CEP44: variants seen among roughly 807,000 people sequenced by gnomAD.
CEP44 encodes centrosomal protein of 44 kDa.
In CEP44, 45 loss-of-function variants were observed where a neutral mutation model predicts 46.7. The observed-to-expected ratio is 0.96, with a 90% CI of 0.76 to 1.24. The LOEUF (loss-of-function observed/expected upper bound fraction) is 1.24. Among genes scored for constraint, CEP44 ranks in the 50% most tolerant of loss-of-function variants. The probability of loss-of-function intolerance (pLI) is 0.00; values close to 1 mark genes in which losing one functional copy is unlikely to be tolerated. For missense variants in CEP44, 475 were observed against 459.7 expected (o/e 1.03, Z -0.30); for synonymous variants, 142 against 146.0 (o/e 0.97, Z 0.20).
chr4:174,313,541 G>T (rs1230875293), intron 9 of CEP44, among the ~76,000 whole-genome samples: 1 of 152,064 alleles, frequency 6.6e-6, no homozygotes, highest in Non-Finnish European at 1.5e-5. Flanking sequence ...TTTCAGCAAG[G>T]CTAATATTCT....
In CEP44 at chr4:174,287,722, G is replaced by C. The variant is rs907862689; in HGVS notation, c.-148+3779G>C. Among the ~76,000 whole-genome samples the C allele has an allele frequency of 6.6e-6, 1 of 152,084 alleles. No homozygotes were observed. Among genetic ancestry groups the C allele is most frequent in the Non-Finnish European group, 1.5e-5 (1 of 68,016 alleles). ...CGAAGATCAAAAAGTGACCAAAATT[G>C]TTCAAAAGGTACAATTTATTATAGG... On this transcript the variant is annotated intron_variant, in intron 1 of 11. Coordinates refer to ENST00000503780, the MANE Select transcript of CEP44 (RefSeq NM_001040157.3). The surrounding 1 kb of genome is among the most constrained non-coding windows in gnomAD (Gnocchi z 5.1).
intron 6 of CEP44, among the ~76,000 whole-genome samples, chr4:174,308,021 A>T (rs569338486): frequency 1.3e-5 from 2 of 152,332 alleles, no homozygotes; most frequent in East Asian, 3.9e-4. Flanking sequence ...AGTGTAAGTT[A>T]GTTCAACCAC....
At chr4:174,299,276 G>T in intron 3 of CEP44, 66 bp downstream of exon 3, 1 of 1,283,236 alleles carries the variant, frequency 7.8e-7, no homozygotes, top group East Asian at 2.5e-5. Context: ...ATTTAACATG[G>T]GGGACTACCT....
Position 174,331,646 on chromosome 4 carries a change from T to C in CEP44, c.*51T>C. ...ACCTTTTCCTGCTGTACTCTGATGT[T>C]TCAGTGAAGCTCATCCACGAAGTCC... On this transcript the variant is annotated 3_prime_UTR_variant, in exon 9 of 9. Coordinates refer to the CEP44 transcript ENST00000426172. The surrounding 1 kb of genome is among the most constrained non-coding windows in gnomAD (Gnocchi z 4.5). The C allele has an allele frequency of 6.5e-7, 1 of 1,531,196 alleles. No individual in the cohort carries two copies. Among genetic ancestry groups the C allele is most frequent in the Non-Finnish European group, 8.8e-7 (1 of 1,134,810 alleles). The allele number at this position is 1,531,196 out of a possible 1,614,324, so 94.9% of individuals were successfully genotyped here.
chr4:174,321,363 G>A (rs375417122), downstream of CEP44, among the ~76,000 whole-genome samples: 6 of 152,102 alleles, frequency 3.9e-5, no homozygotes, highest in Middle Eastern at 3.4e-3. Flanking sequence ...TTTGGTTAGC[G>A]TTTTAGGGTT....
chr4:174,326,457 A>C lies in CEP44; in HGVS notation c.1087-5025A>C, dbSNP rs1742677183. On this transcript the variant is annotated intron_variant, in intron 8 of 8. Coordinates refer to the CEP44 transcript ENST00000426172. The surrounding 1 kb of genome is among the most constrained non-coding windows in gnomAD (Gnocchi z 4.8). ...GCGCCCGCCAAGCCTTTTTTTGTCA[A>C]ACATTGACTTCTACATATGTTATAA... Among the ~76,000 whole-genome samples the C allele has an allele frequency of 6.6e-6, 1 of 152,034 alleles. No homozygotes were observed. Among genetic ancestry groups the C allele is most frequent in the African/African-American group, 2.4e-5 (1 of 41,428 alleles).
chr4:174,316,424 A>G (rs1741721227), intron 10 of CEP44, 106 bp from the exon 11 acceptor site: 1 of 1,341,202 alleles, frequency 7.5e-7, no homozygotes, highest in Non-Finnish European at 1.1e-6. Context: ...ATAAGTAAAC[A>G]GTACTTAATG....
chr4:174,325,279 G>A (rs769949542), downstream of CEP44, among the ~76,000 whole-genome samples: 3 of 151,982 alleles, frequency 2.0e-5, no homozygotes, highest in East Asian at 1.9e-4. The surrounding 1 kb of genome is among the most constrained non-coding windows in gnomAD (Gnocchi z 4.4). Flanking sequence ...GTGGTTTCTC[G>A]TTCATTTCAT....
rs1731217165 is a variant in CEP44, at chr4:174,329,770, C to A, written c.1087-1712C>A. ...GAATATATGTTAACCTTCAGGCTAT[C>A]ATCATTCTTTCTCAAGATAGATTTA... On this transcript the variant is annotated intron_variant, in intron 8 of 8. Coordinates refer to the CEP44 transcript ENST00000426172. The surrounding 1 kb of genome is among the most constrained non-coding windows in gnomAD (Gnocchi z 4.0). Among the ~76,000 whole-genome samples the A allele has an allele frequency of 6.6e-6, 1 of 151,982 alleles. No homozygotes were observed. The highest frequency in any genetic ancestry group is 2.1e-4 in the South Asian group (1 of 4,824).
intron 1 of CEP44, among the ~76,000 whole-genome samples, chr4:174,294,460 G>T (rs1389944350): frequency 6.6e-5 from 10 of 151,494 alleles, no homozygotes; most frequent in Admixed American, 2.6e-4. Context: ...CACAGACATG[G>T]CAACCATCCG....
intron 4 of CEP44, 119 bp from the exon 5 acceptor site, chr4:174,303,584 C>A: frequency 1.8e-6 from 1 of 551,370 alleles, no homozygotes; most frequent in Non-Finnish European, 3.2e-6. Context: ...TAGTTAATGG[C>A]TTGGTTTTCC....
At chr4:174,284,699 C>A (rs777492594) in intron 1 of CEP44, among the ~76,000 whole-genome samples, 1 of 152,178 alleles carries the variant, frequency 6.6e-6, no homozygotes, top group Non-Finnish European at 1.5e-5. Context: ...CCTTACTCCT[C>A]CCCACTCCCG....
At chr4:174,285,098 T>TA (rs1737428638) in intron 1 of CEP44, among the ~76,000 whole-genome samples, 1 of 152,244 alleles carries the variant, frequency 6.6e-6, no homozygotes, top group Non-Finnish European at 1.5e-5. Flanking sequence ...GGAAGGAAGC[T>TA]AGAAAGGAAT....
Position 174,304,264 on chromosome 4 carries a change from A to G in CEP44, c.402A>G (p.Arg134=). The G allele has an allele frequency of 6.3e-7, 1 of 1,596,988 alleles. No individual in the cohort carries two copies. The highest frequency in any genetic ancestry group is 1.2e-5 in the South Asian group (1 of 86,006). The change falls in exon 6 of 12, where the codon AGA becomes AGG. Residue 134 remains arginine (R), a synonymous_variant. Coordinates refer to ENST00000503780, the MANE Select transcript of CEP44 (RefSeq NM_001040157.3). ...TTTTTTAGATTCCATCACAACAAAG[A>G]AAGAAAATCAGTTCTGGTAAGTCAG... ...SSLQKIPSQQ[R]KKISSGKSEP... is the part of the protein sequence containing the mutation.
intron 9 of CEP44, among the ~76,000 whole-genome samples, chr4:174,315,656 ACGGTGAAAC>A (rs1056325850): frequency 1.3e-5 from 2 of 152,084 alleles, no homozygotes; most frequent in African/African-American, 4.8e-5. Flanking sequence ...AGAAAAGAAT[ACGGTGAAAC>A]CCTGTCTCTA....
intron 3 of CEP44, among the ~76,000 whole-genome samples, chr4:174,300,222 G>A (rs1739558482): frequency 6.6e-6 from 1 of 152,182 alleles, no homozygotes; most frequent in African/African-American, 2.4e-5. Flanking sequence ...TTACAGTAGG[G>A]AGAGGTAACT....
At chr4:174,293,470 CCTT>C (rs1313250928) in intron 1 of CEP44, among the ~76,000 whole-genome samples, 4 of 152,212 alleles carry the variant, frequency 2.6e-5, no homozygotes, top group East Asian at 1.9e-4. Flanking sequence ...CTAGCTAAAA[CCTT>C]CTTTGATTTC....
rs1187339662 is a variant in CEP44 at position 174,310,819 on chromosome 4, G to A, written c.922G>A (p.Asp308Asn). The change falls in exon 9 of 12, where the codon GAC becomes AAC. Residue 308 changes from aspartate (D) to asparagine (N), a missense_variant. Physicochemically the swap from Asp to Asn is conservative, Grantham distance 23. Coordinates refer to ENST00000503780, the MANE Select transcript of CEP44 (RefSeq NM_001040157.3). The surrounding 1 kb of genome is among the most constrained non-coding windows in gnomAD (Gnocchi z 4.2). ...EFIEFNEVSEDYASCSDMDLL... is the reference protein window; with the variant it reads ...EFIEFNEVSENYASCSDMDLL... ...TATAGAGTTTAATGAAGTTAGTGAA[G>A]ACTACGCTTCTTGTAGTGACATGGA... The A allele has an allele frequency of 6.6e-7, 1 of 1,524,716 alleles. No individual in the cohort carries two copies. Among genetic ancestry groups the A allele is most frequent in the Non-Finnish European group, 9.0e-7 (1 of 1,109,438 alleles). The allele number at this position is 1,524,716 out of a possible 1,614,324, so 94.4% of individuals were successfully genotyped here.
chr4:174,321,437 A>G (rs1679024821), downstream of CEP44, among the ~76,000 whole-genome samples: 1 of 152,150 alleles, frequency 6.6e-6, no homozygotes, highest in South Asian at 2.1e-4. Flanking sequence ...AGGAATTAAA[A>G]CATCCTTTCT....
Sources: allele counts gnomAD v4.1 joint callset (sites outside exome capture counted in the v4.1 genomes callset), GRCh38; gene constraint gnomAD v4.1.1; non-coding constraint Gnocchi (gnomAD v3.1); transcripts MANE v1.5; gene names NCBI Gene and HGNC (gene_info 2026-07-23, HGNC 2026-07-21).